KHDRBS2: variants seen among roughly 807,000 people sequenced by gnomAD.
KHDRBS2 encodes KH domain-containing, RNA-binding, signal transduction-associated protein 2.
Under a neutral mutation model 44.3 loss-of-function variants are expected in KHDRBS2, and 26 were observed. That is an observed-to-expected ratio of 0.59 (90% CI 0.43 to 0.81). The LOEUF is 0.81. Among genes scored for constraint, KHDRBS2 ranks in the 40% least tolerant of loss-of-function variants. The pLI, the probability that KHDRBS2 is intolerant of heterozygous loss-of-function variation, is 0.00. For missense variants in KHDRBS2, 476 were observed against 433.1 expected (o/e 1.10, Z -0.88); for synonymous variants, 194 against 151.1 (o/e 1.28, Z -2.08).
the KHDRBS2 span, among the ~76,000 whole-genome samples, chr6:61,578,335 A>T: frequency 6.6e-6 from 1 of 152,304 alleles, no homozygotes; most frequent in South Asian, 2.1e-4. Flanking sequence ...GCAAAACAGT[A>T]CAGTAGTCAA....
rs556849882 is a variant in KHDRBS2, at chr6:62,264,457, G to T, written c.91+21401C>A. ...TCCAATTTAAACAGAAAGCCAGTTT[G>T]TTTCTTCCCATAGTGATTTTCAAAT... On this transcript the variant is annotated intron_variant, in intron 1 of 8. Transcript: ENST00000281156. 2.0e-5 allele frequency among the ~76,000 whole-genome samples: 3 copies of T among 151,802 alleles called. No individual in the cohort carries two copies. In the East Asian group the frequency reaches 5.8e-4, roughly 30 times the overall value.
chr6:61,576,545 T>G, the KHDRBS2 span, among the ~76,000 whole-genome samples: 1 of 152,118 alleles, frequency 6.6e-6, no homozygotes, highest in Non-Finnish European at 1.5e-5. Context: ...TTTGGATGCC[T>G]TTTATTTCTT....
At chr6:61,784,153 G>T (rs563121880) in intron 6 of KHDRBS2, among the ~76,000 whole-genome samples, 1 of 151,804 alleles carries the variant, frequency 6.6e-6, no homozygotes, top group South Asian at 2.1e-4. Flanking sequence ...TGGATTCAGA[G>T]ATTTATTAAA....
chr6:61,634,007 G>A, the KHDRBS2 span, among the ~76,000 whole-genome samples: 1 of 151,960 alleles, frequency 6.6e-6, no homozygotes, highest in East Asian at 1.9e-4. Context: ...GATAAACTGG[G>A]ACAATGGCAG....
At chr6:62,169,192 T>C (rs1418997131) in intron 2 of KHDRBS2, among the ~76,000 whole-genome samples, 1 of 144,910 alleles carries the variant, frequency 6.9e-6, no homozygotes, top group Non-Finnish European at 1.5e-5. Context: ...TATATACGTA[T>C]ACATATATGT....
At chr6:61,629,448 T>C in the KHDRBS2 span, among the ~76,000 whole-genome samples, 1 of 152,208 alleles carries the variant, frequency 6.6e-6, no homozygotes, top group Non-Finnish European at 1.5e-5. Context: ...TTTCATTTTC[T>C]GGTAAAGAGA....
At position 61,856,105 on chromosome 6, in the gene KHDRBS2, T is replaced by C. The variant is rs947965666; in HGVS notation, c.810+38530A>G. 2.6e-5 allele frequency among the ~76,000 whole-genome samples: 4 copies of C among 152,260 alleles called. No homozygotes were observed. The South Asian group carries it at 6.2e-4, about 24-fold the overall frequency. ...CCTTTTTTGTTGTTATGTATAGTTTTCATACAGTGTTTTCCCATCTCCCAG... is the reference window on the plus strand; with the variant it reads ...CCTTTTTTGTTGTTATGTATAGTTTCCATACAGTGTTTTCCCATCTCCCAG... On this transcript the variant is annotated intron_variant, in intron 6 of 8. Transcript: ENST00000281156.
intron 6 of KHDRBS2, among the ~76,000 whole-genome samples, chr6:61,775,507 CAGAG>C (rs2127578880): frequency 6.6e-6 from 1 of 152,190 alleles, no homozygotes; most frequent in African/African-American, 2.4e-5. Flanking sequence ...AACAGACAAA[CAGAG>C]AGCCAAATCA....
At chr6:61,551,233 T>A in the KHDRBS2 span, among the ~76,000 whole-genome samples, 1 of 152,218 alleles carries the variant, frequency 6.6e-6, no homozygotes, top group Non-Finnish European at 1.5e-5. Flanking sequence ...TGCTTGTGAA[T>A]TTGTTCAAGT....
chr6:61,660,207 T>C, the KHDRBS2 span, among the ~76,000 whole-genome samples: 1 of 151,924 alleles, frequency 6.6e-6, no homozygotes, highest in Admixed American at 6.6e-5. Context: ...TGTTATATTG[T>C]ACAGGAGAAT....
intron 1 of KHDRBS2, among the ~76,000 whole-genome samples, chr6:62,196,931 T>C (rs1056086619): frequency 2.6e-5 from 4 of 152,076 alleles, no homozygotes; most frequent in African/African-American, 9.7e-5. Context: ...ATAGATGTCT[T>C]CTCTAGCCCA....
At chr6:61,638,199 G>T in the KHDRBS2 span, among the ~76,000 whole-genome samples, 8 of 152,030 alleles carry the variant, frequency 5.3e-5, no homozygotes, top group Non-Finnish European at 1.2e-4. Context: ...GCATCACCAA[G>T]TCAATCCTGA....
downstream of KHDRBS2, among the ~76,000 whole-genome samples, chr6:61,679,776 C>G (rs1766139638): frequency 6.6e-6 from 1 of 151,910 alleles, no homozygotes; most frequent in African/African-American, 2.4e-5. Context: ...TGAATCTACG[C>G]AATGCTTACA....
chr6:62,255,632 AC>A (rs1837262874), intron 1 of KHDRBS2, among the ~76,000 whole-genome samples: 1 of 151,098 alleles, frequency 6.6e-6, no homozygotes, highest in Non-Finnish European at 1.5e-5. Context: ...ACACACACAC[AC>A]ACACACACAC....
At chr6:62,061,810 C>A (rs974767691) in intron 2 of KHDRBS2, among the ~76,000 whole-genome samples, 3 of 148,020 alleles carry the variant, frequency 2.0e-5, no homozygotes, top group Non-Finnish European at 3.0e-5. Context: ...TTCAGGTACA[C>A]CAATCAGACG....
chr6:61,759,075 C>T (rs1389409595), intron 6 of KHDRBS2, among the ~76,000 whole-genome samples: 5 of 152,072 alleles, frequency 3.3e-5, no homozygotes, highest in Non-Finnish European at 5.9e-5. Flanking sequence ...AATGATTTTA[C>T]ATATAAAATG....
At chr6:62,236,568 T>C (rs1442659403) in intron 1 of KHDRBS2, among the ~76,000 whole-genome samples, 6 of 152,092 alleles carry the variant, frequency 3.9e-5, no homozygotes, top group South Asian at 2.1e-4. Flanking sequence ...GGCAATTTCA[T>C]ACAAAAAATA....
chr6:61,892,315 G>A lies in KHDRBS2; in HGVS notation c.810+2320C>T, dbSNP rs531154373. 1.1e-4 allele frequency among the ~76,000 whole-genome samples: 16 copies of A among 152,270 alleles called. No homozygotes were observed. The South Asian group carries it at 3.1e-3, about 30-fold the overall frequency. On this transcript the variant is annotated intron_variant, in intron 6 of 8. Coordinates refer to ENST00000281156, the MANE Select transcript of KHDRBS2 (RefSeq NM_152688.4). Reference sequence around the variant, plus strand: ...TAGGAAGACTCAATATCATGAAAATGGCCATACTGTCCAAGGTAATTTATA... The same window carrying A: ...TAGGAAGACTCAATATCATGAAAATAGCCATACTGTCCAAGGTAATTTATA...
rs764154058 is a variant in KHDRBS2 at position 61,755,251 on chromosome 6, A to G, written c.811-22487T>C. On this transcript the variant is annotated intron_variant, in intron 6 of 8. Transcript: ENST00000281156. ...TATCTTGATATTTTATCTGGGCCCC[A>G]TCCCAACATTATGACTGAATTGATC... 2.0e-5 allele frequency among the ~76,000 whole-genome samples: 3 copies of G among 152,118 alleles called. 1 individual carries two copies. Among genetic ancestry groups the G allele is most frequent in the Non-Finnish European group, 4.4e-5 (3 of 68,014 alleles).
Sources: gnomAD v4.1 joint callset for allele counts (sites outside exome capture counted in the v4.1 genomes callset) on GRCh38, gnomAD v4.1.1 for gene constraint, MANE v1.5 for transcripts, NCBI Gene and HGNC (gene_info 2026-07-23, HGNC 2026-07-21) for gene names.